Variants in ADGRB3 observed in about 807,000 individuals in gnomAD.
ADGRB3 encodes adhesion G protein-coupled receptor B3.
ADGRB3 carries 37 observed loss-of-function variants against 193.4 expected under a neutral mutation model. That is an observed-to-expected ratio of 0.19 (90% CI 0.15 to 0.25). The LOEUF (loss-of-function observed/expected upper bound fraction) is 0.25. Ranked by LOEUF, ADGRB3 falls within the 10% of genes least tolerant of loss-of-function variation. The pLI is 1.00. For synonymous variants in ADGRB3, 690 were observed against 644.2 expected (o/e 1.07, Z -1.08); for missense variants, 1,637 against 1,852.9 (o/e 0.88, Z 2.14).
intron 8 of ADGRB3, among the ~76,000 whole-genome samples, chr6:68,961,034 TTTTTTCATCC>T (rs1175489185): frequency 6.6e-6 from 1 of 152,180 alleles, no homozygotes; most frequent in Non-Finnish European, 1.5e-5. Context: ...AAAATTTTAT[TTTTTTCATCC>T]TTTTTCATAA....
intron 3 of ADGRB3, among the ~76,000 whole-genome samples, chr6:68,816,368 A>G (rs1767631560): frequency 4.5e-5 from 2 of 44,590 alleles, no homozygotes; most frequent in Non-Finnish European, 9.3e-5. Context: ...AATATAACTG[A>G]GTATTTATAA....
chr6:69,002,382 C>A (rs1260502377), intron 11 of ADGRB3, among the ~76,000 whole-genome samples: 1 of 152,052 alleles, frequency 6.6e-6, no homozygotes, highest in Non-Finnish European at 1.5e-5. Flanking sequence ...CCACGCCTGG[C>A]TAATTTTTGT....
chr6:69,130,379 C>T (rs1773973034), intron 17 of ADGRB3, among the ~76,000 whole-genome samples: 1 of 151,736 alleles, frequency 6.6e-6, no homozygotes, highest in South Asian at 2.1e-4. Flanking sequence ...AATGCATTGT[C>T]TTGGCTATCT....
chr6:69,112,604 C>CGAAA (rs1305236103), intron 17 of ADGRB3, among the ~76,000 whole-genome samples: 2 of 152,012 alleles, frequency 1.3e-5, no homozygotes, highest in African/African-American at 4.8e-5. Flanking sequence ...TATAGCAGGC[C>CGAAA]TTTCGTATTC....
rs1212390501 is a variant in ADGRB3 at position 68,956,290 on chromosome 6, A to G, written c.1360+102A>G. 1.1e-5 allele frequency: 12 copies of G among 1,043,794 alleles called. No individual in the cohort carries two copies. In the East Asian group the frequency reaches 3.2e-4, roughly 27 times the overall value. The allele number at this position is 1,043,794 out of a possible 1,614,324, so 64.7% of individuals were successfully genotyped here. On this transcript the variant is annotated intron_variant, in intron 7 of 31. Transcript: ENST00000370598. The stretch of plus-strand genomic sequence containing the variant: ...CAGAGGGTCATGAAAGAAGATAATC[A>G]TTATATATATATGTGTGTGTGTGTG...
intron 3 of ADGRB3, among the ~76,000 whole-genome samples, chr6:68,919,183 C>T (rs1409479965): frequency 2.0e-5 from 3 of 152,104 alleles, no homozygotes; most frequent in Non-Finnish European, 1.5e-5. Flanking sequence ...TTCAAGCCGG[C>T]GTCCTATCTT....
intron 11 of ADGRB3, among the ~76,000 whole-genome samples, chr6:68,998,894 A>G (rs1205075087): frequency 2.0e-5 from 3 of 152,164 alleles, no homozygotes; most frequent in African/African-American, 7.2e-5. Context: ...CTTTCCTAAA[A>G]GTACCCATCT....
intron 3 of ADGRB3, among the ~76,000 whole-genome samples, chr6:68,818,594 C>A (rs1399406724): frequency 6.6e-6 from 1 of 152,052 alleles, no homozygotes; most frequent in Non-Finnish European, 1.5e-5. Flanking sequence ...CTGTATCTTA[C>A]TAGCAATATA....
intron 3 of ADGRB3, among the ~76,000 whole-genome samples, chr6:68,906,222 C>G (rs1766541720): frequency 6.6e-6 from 1 of 151,482 alleles, no homozygotes; most frequent in African/African-American, 2.4e-5. Flanking sequence ...TCTAATTCTT[C>G]AGTATATATG....
At chr6:69,015,245 A>G (rs1317122021) in intron 12 of ADGRB3, among the ~76,000 whole-genome samples, 2 of 152,010 alleles carry the variant, frequency 1.3e-5, no homozygotes, top group Non-Finnish European at 2.9e-5. Context: ...ATCTAAAACA[A>G]GACTGCAATT....
intron 8 of ADGRB3, among the ~76,000 whole-genome samples, chr6:68,969,934 C>T (rs189891015): frequency 8.5e-5 from 13 of 152,258 alleles, no homozygotes; most frequent in South Asian, 8.3e-4. Flanking sequence ...CCCATGTGGC[C>T]CTATAGGCTC....
chr6:69,013,029 A>G (rs1042922452), intron 11 of ADGRB3, among the ~76,000 whole-genome samples: 1 of 152,048 alleles, frequency 6.6e-6, no homozygotes, highest in African/African-American at 2.4e-5. Flanking sequence ...TATGCAACTT[A>G]AGATAAACGT....
intron 17 of ADGRB3, among the ~76,000 whole-genome samples, chr6:69,211,408 G>A (rs1314085324): frequency 6.6e-6 from 1 of 152,098 alleles, no homozygotes; most frequent in Non-Finnish European, 1.5e-5. Flanking sequence ...GGGCTTTTCT[G>A]CCAAACTTAA....
At chr6:68,704,801 A>G (rs1272289929) in intron 3 of ADGRB3, among the ~76,000 whole-genome samples, 2 of 152,184 alleles carry the variant, frequency 1.3e-5, no homozygotes, top group Non-Finnish European at 2.9e-5. Context: ...AAAATCCTGT[A>G]TCATTAGGTA....
chr6:68,756,599 C>A (rs1039163148), intron 3 of ADGRB3, among the ~76,000 whole-genome samples: 1 of 151,960 alleles, frequency 6.6e-6, no homozygotes, highest in African/African-American at 2.4e-5. Context: ...ATATTCAATA[C>A]CAAAAAAAAT....
chr6:69,324,202 C>T (rs978345404), intron 20 of ADGRB3, among the ~76,000 whole-genome samples: 2 of 152,060 alleles, frequency 1.3e-5, no homozygotes, highest in Admixed American at 1.3e-4. Context: ...AATCTTAGCC[C>T]TGTACTGCTG....
chr6:68,726,079 T>C (rs1017024934), intron 3 of ADGRB3, among the ~76,000 whole-genome samples: 9 of 151,616 alleles, frequency 5.9e-5, no homozygotes, highest in Non-Finnish European at 1.0e-4. Flanking sequence ...AGACACCAGT[T>C]CATGCAGTTA....
intron 3 of ADGRB3, among the ~76,000 whole-genome samples, chr6:68,708,096 G>A (rs1765355052): frequency 6.6e-6 from 1 of 152,148 alleles, no homozygotes; most frequent in Non-Finnish European, 1.5e-5. Flanking sequence ...TGTACACTTA[G>A]GGTCCATGAA....
At chr6:69,201,846 T>C (rs1186774195) in intron 17 of ADGRB3, among the ~76,000 whole-genome samples, 1 of 152,168 alleles carries the variant, frequency 6.6e-6, no homozygotes, top group Non-Finnish European at 1.5e-5. Context: ...TAATCCGACC[T>C]ATCATTTCAT....
Sources: gnomAD v4.1 joint callset for allele counts (sites outside exome capture counted in the v4.1 genomes callset) on GRCh38, gnomAD v4.1.1 for gene constraint, MANE v1.5 for transcripts, NCBI Gene and HGNC (gene_info 2026-07-23, HGNC 2026-07-21) for gene names.